The following SSH2 variants were observed in gnomAD, a reference collection of about 807,000 sequenced individuals.
SSH2 encodes slingshot protein phosphatase 2.
SSH2 carries 37 observed loss-of-function variants against 135.2 expected under a neutral mutation model. That is an observed-to-expected ratio of 0.27 (90% confidence interval 0.21 to 0.36). SSH2 has a LOEUF of 0.36. Among genes scored for constraint, SSH2 ranks in the 10% least tolerant of loss-of-function variants. The probability of loss-of-function intolerance (pLI) is 1.00; values close to 1 mark genes in which losing one functional copy is unlikely to be tolerated. For synonymous variants in SSH2, 628 were observed against 646.2 expected, an observed-to-expected ratio of 0.97 and a Z score of 0.43; for missense variants, 1,408 against 1,765.3, an observed-to-expected ratio of 0.80 and a Z score of 3.63.
chr17:29,772,407 G>A (rs1049575244), intron 3 of SSH2, among the ~76,000 whole-genome samples: 2 of 151,840 alleles, frequency 1.3e-5, no homozygotes, highest in Admixed American at 6.6e-5. Flanking sequence ...CACCATGCCC[G>A]AATAATTTTT....
intron 1 of SSH2, among the ~76,000 whole-genome samples, chr17:29,857,960 AT>A (rs1393464077): frequency 6.6e-6 from 1 of 152,188 alleles, no homozygotes; most frequent in African/African-American, 2.4e-5. Context: ...TGTCTAGATA[AT>A]TCATGTAAGT....
intron 3 of SSH2, among the ~76,000 whole-genome samples, chr17:29,726,341 C>CTTCA (rs2040003188): frequency 6.6e-6 from 1 of 152,148 alleles, no homozygotes; most frequent in Non-Finnish European, 1.5e-5. Flanking sequence ...GTGGAGAGGG[C>CTTCA]TTCAGTACAG....
intron 2 of SSH2, among the ~76,000 whole-genome samples, chr17:29,818,163 T>G (rs2042590367): frequency 1.3e-5 from 2 of 152,114 alleles, no homozygotes; most frequent in Non-Finnish European, 2.9e-5. Context: ...TTTATTTGTA[T>G]TATTTTTTAT....
At chr17:29,886,956 A>G (rs1048928307) in intron 1 of SSH2, among the ~76,000 whole-genome samples, 1 of 152,116 alleles carries the variant, frequency 6.6e-6, no homozygotes, top group Non-Finnish European at 1.5e-5. Flanking sequence ...CTTAAGTGCT[A>G]AAGCTGGACA....
chr17:29,648,366 A>G (rs1245808421), intron 13 of SSH2, 22 bp from the exon 14 acceptor site: 2 of 1,579,750 alleles, frequency 1.3e-6, no homozygotes, highest in African/African-American at 2.7e-5. Context: ...GATTGAGGTA[A>G]AGAATAGAGG....
At chr17:29,885,645 G>C (rs62068653) in intron 1 of SSH2, among the ~76,000 whole-genome samples, 73,783 of 151,958 alleles carry the variant, frequency 0.49, 18,622 homozygotes, top group East Asian at 0.69. Context: ...TATGGTTTGG[G>C]TATGTACCCA....
At position 29,830,481 on chromosome 17, in the gene SSH2, C is replaced by T. The variant is rs75185026; in HGVS notation, c.144+18368G>A. Among the ~76,000 whole-genome samples, 298 of 152,232 alleles carry T rather than the reference C, an allele frequency of 2.0e-3. 1 individual carries two copies. Among genetic ancestry groups the T allele is most frequent in the African/African-American group, 7.0e-3 (289 of 41,530 alleles). ...TATTCTCATAGTATTGTATACTTTC[C>T]GATTTGCAGAATTGATCATAATTTA... On this transcript the variant is annotated intron_variant, in intron 2 of 15. Coordinates refer to ENST00000540801, the MANE Select transcript of SSH2 (RefSeq NM_001282129.2).
At chr17:29,653,132 C>T (rs1401131500) in intron 12 of SSH2, among the ~76,000 whole-genome samples, 3 of 152,132 alleles carry the variant, frequency 2.0e-5, no homozygotes. Flanking sequence ...TTTTTCCCAT[C>T]TCAGCACCAA....
At chr17:29,886,711 C>T (rs568588394) in intron 1 of SSH2, among the ~76,000 whole-genome samples, 115 of 147,386 alleles carry the variant, frequency 7.8e-4, no homozygotes, top group African/African-American at 2.8e-3. Flanking sequence ...CATGCCACTG[C>T]ACTCCAGCCT....
chr17:29,631,305 T>C lies in SSH2; in HGVS notation c.3889A>G (p.Lys1297Glu), dbSNP rs775811251. 13 of 1,614,130 alleles carry C rather than the reference T, an allele frequency of 8.1e-6. No individual in the cohort carries two copies. Among genetic ancestry groups the C allele is most frequent in the Non-Finnish European group, 1.1e-5 (13 of 1,180,024 alleles). The change falls in exon 16 of 16, where the codon AAA becomes GAA. Residue 1297 changes from lysine to glutamate, a missense_variant. By Grantham distance (56) the Lys-to-Glu change is moderately conservative. Transcript: ENST00000540801. ...GGCTCCCTCTCTGGTAAGCAGTCTT[T>C]ACAGAGGTCCAAGTAACCTAATTTG... Reference protein sequence around the residue: ...LAKLGYLDLCKDCLPEREPAS... With the variant: ...LAKLGYLDLCEDCLPEREPAS...
chr17:29,734,577 A>C (rs2040305556), intron 3 of SSH2, among the ~76,000 whole-genome samples: 1 of 152,196 alleles, frequency 6.6e-6, no homozygotes, highest in African/African-American at 2.4e-5. Flanking sequence ...AGGTACCCAT[A>C]CTAAAAGCAG....
rs532206263 is a variant in SSH2 at position 29,919,137 on chromosome 17, G to T, written c.63+10801C>A. Among the ~76,000 whole-genome samples, 4 of 152,198 alleles carry T rather than the reference G, an allele frequency of 2.6e-5. No individual in the cohort carries two copies. The South Asian group carries it at 8.3e-4, about 32-fold the overall frequency. ...TAATATCAATCTTTCTACTTCTACT[G>T]TAAGCTTCCTGAGGTTAGAGACTAA... On this transcript the variant is annotated intron_variant, in intron 1 of 15. Transcript: ENST00000540801.
At chr17:29,849,070 G>A (rs1402517293) in intron 1 of SSH2, 141 bp from the exon 2 acceptor site, 2 of 554,622 alleles carry the variant, frequency 3.6e-6, no homozygotes, top group Admixed American at 2.9e-5. Flanking sequence ...TGGCTATTTT[G>A]AGAGAACACT....
chr17:29,837,647 A>T (rs937959559), intron 2 of SSH2, among the ~76,000 whole-genome samples: 1 of 152,160 alleles, frequency 6.6e-6, no homozygotes, highest in Admixed American at 6.5e-5. Context: ...TGTGGCCTCA[A>T]TCTTGCTCCC....
chr17:29,786,825 C>T (rs2041975249), intron 3 of SSH2, among the ~76,000 whole-genome samples: 1 of 152,078 alleles, frequency 6.6e-6, no homozygotes, highest in African/African-American at 2.4e-5. Context: ...CATAGTGGTG[C>T]ATGCCGGTGG....
intron 11 of SSH2, among the ~76,000 whole-genome samples, chr17:29,658,723 C>G (rs1371931783): frequency 6.6e-6 from 1 of 151,840 alleles, no homozygotes; most frequent in Non-Finnish European, 1.5e-5. Context: ...CAAAATTAGC[C>G]AGGTGTGGTG....
chr17:29,664,868 G>C (rs2037207734), intron 11 of SSH2, among the ~76,000 whole-genome samples: 1 of 152,146 alleles, frequency 6.6e-6, no homozygotes, highest in African/African-American at 2.4e-5. Context: ...TTGAGGAGTA[G>C]TTCTTGAGTG....
intron 1 of SSH2, among the ~76,000 whole-genome samples, chr17:29,919,684 T>C (rs992796837): frequency 1.3e-5 from 2 of 151,774 alleles, no homozygotes; most frequent in East Asian, 3.9e-4. Flanking sequence ...TCATCAAGAA[T>C]TACACTTTTT....
intron 15 of SSH2, among the ~76,000 whole-genome samples, chr17:29,634,972 G>A (rs1035167619): frequency 6.6e-6 from 1 of 151,190 alleles, no homozygotes; most frequent in Non-Finnish European, 1.5e-5. Context: ...GCACGACCTC[G>A]GCTCACTGCA....
Sources: gnomAD v4.1 joint callset for allele counts (sites outside exome capture counted in the v4.1 genomes callset) on GRCh38, gnomAD v4.1.1 for gene constraint, MANE v1.5 for transcripts, NCBI Gene and HGNC (gene_info 2026-07-23, HGNC 2026-07-21) for gene names.